CDH3: variants seen among roughly 807,000 people sequenced by gnomAD.
The protein encoded by CDH3 is cadherin 3.
CDH3 carries 54 observed loss-of-function variants against 82.0 expected under a neutral mutation model. The observed-to-expected ratio is 0.66, with a 90% confidence interval of 0.53 to 0.83. The LOEUF (loss-of-function observed/expected upper bound fraction) is 0.83, where lower values mean the gene tolerates loss of function less well. Among genes scored for constraint, CDH3 ranks in the 40% least tolerant of loss-of-function variants. The pLI is 0.00. For missense variants in CDH3, 1,054 were observed against 1,084.6 expected, an observed-to-expected ratio of 0.97 and a Z score of 0.40; for synonymous variants, 446 against 437.9, an observed-to-expected ratio of 1.02 and a Z score of -0.23.
downstream of CDH3, among the ~76,000 whole-genome samples, chr16:68,727,547 G>A (rs1015704766): frequency 1.3e-5 from 2 of 152,064 alleles, no homozygotes; most frequent in South Asian, 2.1e-4. Flanking sequence ...AGGCCGAGAC[G>A]AGTGGATCAC....
intron 6 of CDH3, among the ~76,000 whole-genome samples, chr16:68,679,479 G>A (rs2152100452): frequency 6.6e-6 from 1 of 152,202 alleles, no homozygotes; most frequent in African/African-American, 2.4e-5. Flanking sequence ...CATCACTTGA[G>A]ATCAGGAGTT....
chr16:68,649,616 G>A (rs924688059), intron 2 of CDH3, among the ~76,000 whole-genome samples: 1 of 152,090 alleles, frequency 6.6e-6, no homozygotes, highest in Non-Finnish European at 1.5e-5. Context: ...ATTATCTCAC[G>A]GTGCAGGGCC....
At position 68,682,408 on chromosome 16, in the gene CDH3, T is replaced by A; in HGVS notation, c.1103T>A (p.Ile368Asn). The A allele has an allele frequency of 6.2e-7, 1 of 1,614,026 alleles. No individual in the cohort carries two copies. Among genetic ancestry groups the A allele is most frequent in the Non-Finnish European group, 8.5e-7 (1 of 1,180,006 alleles). ...NSPAWRATYLIMGGDDGDHFT... is the reference protein window; with the variant it reads ...NSPAWRATYLNMGGDDGDHFT... ...CCAGCGTGGCGTGCCACCTACCTTA[T>A]CATGGGCGGTGACGACGGGGACCAT... Residue 368 changes from isoleucine (I) to asparagine (N), a missense_variant, in exon 9 of 16, where the codon ATC (isoleucine) becomes AAC (asparagine). Coordinates refer to ENST00000264012, the MANE Select transcript of CDH3 (RefSeq NM_001793.6).
intron 1 of CDH3, among the ~76,000 whole-genome samples, chr16:68,711,410 C>T (rs1019359686): frequency 6.6e-6 from 1 of 152,170 alleles, no homozygotes; most frequent in Middle Eastern, 3.4e-3. Flanking sequence ...GTGCAGAGTT[C>T]TGGGCATTTT....
At chr16:68,732,699 T>C in the CDH3 span, among the ~76,000 whole-genome samples, 36 of 152,296 alleles carry the variant, frequency 2.4e-4, no homozygotes, top group African/African-American at 8.2e-4. Context: ...AGGAAAGCAA[T>C]GGGCCTTATC....
intron 5 of CDH3, 29 bp downstream of exon 5, chr16:68,678,685 T>A: frequency 6.2e-7 from 1 of 1,614,138 alleles, no homozygotes; most frequent in Non-Finnish European, 8.5e-7. Context: ...CTACTGTAAA[T>A]GTCCCCTCAG....
chr16:68,693,685 C>T (rs571507739), intron 13 of CDH3, among the ~76,000 whole-genome samples: 6 of 152,070 alleles, frequency 3.9e-5, no homozygotes, highest in African/African-American at 1.2e-4. Flanking sequence ...CTTCAGAACC[C>T]GTGGACTCCC....
At chr16:68,732,600 C>T in the CDH3 span, among the ~76,000 whole-genome samples, 2 of 152,196 alleles carry the variant, frequency 1.3e-5, no homozygotes, top group South Asian at 2.1e-4. Flanking sequence ...CCCAGTGATG[C>T]CTGAAATTCC....
chr16:68,678,477 G>C (rs1385314265), intron 4 of CDH3, 24 bp from the exon 5 acceptor site: 3 of 1,614,134 alleles, frequency 1.9e-6, no homozygotes, highest in Non-Finnish European at 2.5e-6. Context: ...TACTTTGTCA[G>C]CTGCCATTTT....
At position 68,717,041 on chromosome 16, in the gene CDH3, A is replaced by G. The variant is rs572550286; in HGVS notation, c.100-5384A>G. Among the ~76,000 whole-genome samples the G allele has an allele frequency of 3.9e-5, 6 of 152,208 alleles. No homozygotes were observed. In the East Asian group the frequency reaches 1.2e-3, roughly 29 times the overall value. The stretch of plus-strand genomic sequence containing the variant: ...AGCCAACAGGCCTGGCCAATAAAAT[A>G]CAATTATATGTTTTTGTCTGAAGAG... On this transcript the variant is annotated intron_variant, in intron 1 of 2. Transcript: ENST00000569080.
Position 68,698,354 on chromosome 16 carries a change from G to T in CDH3, c.2444G>T (p.Arg815Leu), listed in dbSNP as rs557740168. The T allele has an allele frequency of 1.2e-6, 2 of 1,614,226 alleles. No homozygotes were observed. Reference protein sequence around the residue: ...DYDYLNEWGSRFKKLADMYGG... With the variant: ...DYDYLNEWGSLFKKLADMYGG... The stretch of plus-strand genomic sequence containing the variant: ...GATTATCTGAACGAGTGGGGCAGCC[G>T]CTTCAAGAAGCTGGCAGACATGTAC... The change falls in exon 16 of 16, where the codon CGC (arginine) becomes CTC (leucine). Residue 815 changes from arginine to leucine, a missense_variant. By Grantham distance (102) the Arg-to-Leu change is moderately radical. Transcript: ENST00000264012.
intron 2 of CDH3, among the ~76,000 whole-genome samples, chr16:68,659,608 C>T (rs777719471): frequency 3.3e-5 from 5 of 150,824 alleles, no homozygotes; most frequent in African/African-American, 7.3e-5. Context: ...CTTTTGAGCC[C>T]GGGAGGCAGA....
intron 2 of CDH3, among the ~76,000 whole-genome samples, chr16:68,669,805 A>G (rs567119193): frequency 6.6e-6 from 1 of 152,256 alleles, no homozygotes; most frequent in African/African-American, 2.4e-5. Flanking sequence ...ATCTTCCCTT[A>G]GGAAGAGGGC....
intron 2 of CDH3, among the ~76,000 whole-genome samples, chr16:68,656,662 CTAAGTATGAGGCACTGACCATTTGGCAA>C (rs960308763): frequency 6.6e-6 from 1 of 152,176 alleles, no homozygotes; most frequent in African/African-American, 2.4e-5. Context: ...GTGTGACCCC[CTAAGTATGAGGCACTGACCATTTGGCAA>C]TCAGGGTGGG....
intron 13 of CDH3, 38 bp from the exon 14 acceptor site, chr16:68,695,217 G>A (rs1319944184): frequency 1.2e-6 from 2 of 1,612,844 alleles, no homozygotes. Context: ...CCACTGTGTG[G>A]TTACAGAGGG....
chr16:68,672,956 T>G (rs1960926429), intron 2 of CDH3, among the ~76,000 whole-genome samples: 1 of 152,240 alleles, frequency 6.6e-6, no homozygotes, highest in Admixed American at 6.5e-5. Flanking sequence ...ATCTGGCTTC[T>G]ACTACTCAAC....
chr16:68,686,276 C>T (rs1299722429), intron 11 of CDH3: 7 of 667,036 alleles, frequency 1.0e-5, no homozygotes, highest in East Asian at 8.0e-5. Flanking sequence ...GGTGAGTGCA[C>T]CTGCACCCAG....
At chr16:68,675,334 C>T (rs1336813278) in intron 2 of CDH3, among the ~76,000 whole-genome samples, 1 of 152,164 alleles carries the variant, frequency 6.6e-6, no homozygotes, top group Non-Finnish European at 1.5e-5. Flanking sequence ...AAAATGGGAG[C>T]ACTGGGCAGA....
intron 1 of CDH3, among the ~76,000 whole-genome samples, chr16:68,713,514 C>T (rs971016822): frequency 3.9e-5 from 6 of 152,020 alleles, no homozygotes; most frequent in Non-Finnish European, 7.4e-5. Flanking sequence ...AGGCCAAACC[C>T]CCAGATTTCT....
Sources: allele counts gnomAD v4.1 joint callset (sites outside exome capture counted in the v4.1 genomes callset), GRCh38; gene constraint gnomAD v4.1.1; transcripts MANE v1.5; gene names NCBI Gene and HGNC (gene_info 2026-07-23, HGNC 2026-07-21).